RILPL1: variants seen among roughly 807,000 people sequenced by gnomAD.
The protein encoded by RILPL1 is RILP-like protein 1.
Under a neutral mutation model 50.3 loss-of-function variants are expected in RILPL1, and 33 were observed. The observed-to-expected ratio is 0.66, with a 90% CI of 0.50 to 0.88. RILPL1 has a LOEUF of 0.88. RILPL1 is among the 40% of genes least tolerant of loss of function. The pLI is 0.00. For missense variants in RILPL1, 418 were observed against 542.5 expected, an observed-to-expected ratio of 0.77 and a Z score of 2.28; for synonymous variants, 205 against 228.6, an observed-to-expected ratio of 0.90 and a Z score of 0.93.
chr12:123,513,468 T>C lies in RILPL1; in HGVS notation c.460+10027A>G, dbSNP rs539956921. The stretch of plus-strand genomic sequence containing the variant: ...GTGGAAGCCCAGCAGCCTCATCACC[T>C]TCCTGGGCGGCAGCCGTAGGAGCTA... On this transcript the variant is annotated intron_variant, in intron 2 of 6. Coordinates refer to ENST00000376874, the MANE Select transcript of RILPL1 (RefSeq NM_178314.5). 2.7e-3 allele frequency: 671 copies of C among 246,214 alleles called. 8 individuals carry two copies. Among genetic ancestry groups the C allele is most frequent in the African/African-American group, 0.014 (607 of 43,694 alleles). The allele number at this position is 246,214 out of a possible 1,614,324, so 15.3% of individuals were successfully genotyped here.
At chr12:123,486,675 T>G (rs1882354988) in intron 4 of RILPL1, among the ~76,000 whole-genome samples, 1 of 152,236 alleles carries the variant, frequency 6.6e-6, no homozygotes. Flanking sequence ...GGAGTTTCAC[T>G]GTCACCCAGG....
intron 4 of RILPL1, among the ~76,000 whole-genome samples, chr12:123,487,330 T>C (rs899940913): frequency 6.7e-6 from 1 of 150,044 alleles, no homozygotes; most frequent in African/African-American, 2.5e-5. Context: ...TGAGATGGCA[T>C]CTCACTCTGT....
intron 2 of RILPL1, among the ~76,000 whole-genome samples, chr12:123,520,441 C>T (rs1048445014): frequency 2.0e-5 from 3 of 152,098 alleles, no homozygotes; most frequent in Non-Finnish European, 4.4e-5. Flanking sequence ...CACCTGTAGT[C>T]GTAGCTACTT....
intron 1 of RILPL1, among the ~76,000 whole-genome samples, chr12:123,524,521 A>G (rs186609196): frequency 6.6e-6 from 1 of 152,210 alleles, no homozygotes; most frequent in Non-Finnish European, 1.5e-5. Flanking sequence ...AGTACCCAAA[A>G]GGAGCCAAGT....
chr12:123,523,708 C>T (rs1378573295), intron 1 of RILPL1, 63 bp from the exon 2 acceptor site: 16 of 1,554,258 alleles, frequency 1.0e-5, no homozygotes, highest in Middle Eastern at 2.2e-4. Flanking sequence ...CCACCCACTC[C>T]GACCCTCAGG....
At position 123,485,077 on chromosome 12, in the gene RILPL1, T is replaced by A. The variant is rs1157904261; in HGVS notation, c.974+556A>T. The A allele has an allele frequency of 2.2e-6, 1 of 450,172 alleles. No individual in the cohort carries two copies. The highest frequency in any genetic ancestry group is 4.5e-6 in the Non-Finnish European group (1 of 222,020). The allele number at this position is 450,172 out of a possible 1,614,324, so 27.9% of individuals were successfully genotyped here. ...TGGAGCAGGGACCACCTCTGGTGCA[T>A]GGGTCCTTCCTTCCAGCTTTCTATT... On this transcript the variant is annotated intron_variant, in intron 5 of 6. Transcript: ENST00000376874. This position sits in a 1 kb window ranked among gnomAD's most constrained non-coding sequence, Gnocchi z 4.0.
At chr12:123,501,911 A>C (rs1434872052) in intron 2 of RILPL1, among the ~76,000 whole-genome samples, 1 of 151,618 alleles carries the variant, frequency 6.6e-6, no homozygotes, top group Non-Finnish European at 1.5e-5. Flanking sequence ...CCCCGTCTCT[A>C]CTAAAAATAC....
intron 4 of RILPL1, among the ~76,000 whole-genome samples, chr12:123,490,179 T>C (rs75508112): frequency 6.6e-6 from 1 of 151,904 alleles, no homozygotes; most frequent in South Asian, 2.1e-4. Flanking sequence ...GCCTTGCCTC[T>C]CCTGTGTCTC....
intron 6 of RILPL1, chr12:123,475,102 A>G (rs9723192): frequency 0.023 from 3,589 of 154,750 alleles, 78 homozygotes; most frequent in Admixed American, 0.062. Context: ...CAGGCAATTA[A>G]CTGGCGAAAA....
chr12:123,513,114 C>CTG (rs372700247), intron 2 of RILPL1, among the ~76,000 whole-genome samples: 1 of 127,334 alleles, frequency 7.9e-6, no homozygotes, highest in Non-Finnish European at 1.7e-5. Context: ...GTGGTGGCGT[C>CTG]TGTGTGTGTG....
rs189295485 is a variant in RILPL1 at position 123,528,294 on chromosome 12, A to G, written c.310-4649T>C. Among the ~76,000 whole-genome samples, 812 of 151,384 alleles carry G rather than the reference A, an allele frequency of 5.4e-3. 4 individuals carry two copies. Among genetic ancestry groups the G allele is most frequent in the Non-Finnish European group, 9.6e-3 (649 of 67,852 alleles). On this transcript the variant is annotated intron_variant, in intron 1 of 6. Coordinates refer to ENST00000376874, the MANE Select transcript of RILPL1 (RefSeq NM_178314.5). Reference sequence around the variant, plus strand: ...GGATTGCTTGAGCCCAGGAGGCTGAAGCTGCAGTGAGCCAATGGTCACGCA... The same window carrying G: ...GGATTGCTTGAGCCCAGGAGGCTGAGGCTGCAGTGAGCCAATGGTCACGCA...
intron 4 of RILPL1, among the ~76,000 whole-genome samples, chr12:123,495,356 C>T (rs1416951375): frequency 1.3e-5 from 2 of 150,716 alleles, no homozygotes; most frequent in African/African-American, 2.5e-5. Flanking sequence ...TCAATAAATT[C>T]GTTTTTTCCC....
intron 6 of RILPL1, among the ~76,000 whole-genome samples, chr12:123,476,406 A>C (rs959443847): frequency 6.7e-6 from 1 of 149,038 alleles, no homozygotes; most frequent in South Asian, 2.2e-4. Context: ...GCGCCATTGC[A>C]CTCCAGCCTG....
chr12:123,525,764 C>T (rs1885229832), intron 1 of RILPL1, among the ~76,000 whole-genome samples: 1 of 149,952 alleles, frequency 6.7e-6, no homozygotes, highest in Non-Finnish European at 1.5e-5. Flanking sequence ...AGGCTTGTCT[C>T]AACCTCCAGG....
At chr12:123,527,073 A>G (rs1350835056) in intron 1 of RILPL1, among the ~76,000 whole-genome samples, 1 of 152,192 alleles carries the variant, frequency 6.6e-6, no homozygotes, top group Non-Finnish European at 1.5e-5. Flanking sequence ...GCTCATACCT[A>G]TAATCCTTGT....
At chr12:123,509,532 C>T (rs905247275) in intron 2 of RILPL1, among the ~76,000 whole-genome samples, 1 of 148,102 alleles carries the variant, frequency 6.8e-6, no homozygotes, top group African/African-American at 2.5e-5. Flanking sequence ...CACTGCACTC[C>T]AGCCCGAGTA....
intron 2 of RILPL1, chr12:123,519,783 G>C (rs1286183129): frequency 6.6e-6 from 1 of 152,264 alleles, no homozygotes; most frequent in Admixed American, 6.5e-5. Context: ...TCAGGCAGGA[G>C]GGCTGCTGCC....
chr12:123,494,475 G>A (rs1042806100), intron 4 of RILPL1, among the ~76,000 whole-genome samples: 4 of 152,172 alleles, frequency 2.6e-5, no homozygotes, highest in Admixed American at 2.0e-4. Flanking sequence ...ACAGGCAGTC[G>A]CGCCAAGGTG....
In RILPL1 at chr12:123,498,420, GC is replaced by G; in HGVS notation, c.801+123del. ...AATGTTTGTAGAGAATTGGGGTCTT[GC>G]TATGTTGCCCAGGTTGGCCATTTTC... is the stretch of plus-strand genomic sequence containing the variant. On this transcript the variant is annotated intron_variant, in intron 4 of 6. Transcript: ENST00000376874. This position sits in a 1 kb window ranked among gnomAD's most constrained non-coding sequence, Gnocchi z 4.3. 1 of 778,940 alleles carries G rather than the reference GC, an allele frequency of 1.3e-6. No individual in the cohort carries two copies. Among genetic ancestry groups the G allele is most frequent in the South Asian group, 1.6e-5 (1 of 61,800 alleles). 48.3% of individuals were successfully genotyped at this position (778,940 alleles called of 1,614,324 possible).
Sources: gnomAD v4.1 joint callset for allele counts (sites outside exome capture counted in the v4.1 genomes callset) on GRCh38, gnomAD v4.1.1 for gene constraint, Gnocchi (gnomAD v3.1) non-coding constraint, MANE v1.5 for transcripts, NCBI Gene and HGNC (gene_info 2026-07-23, HGNC 2026-07-21) for gene names.